Variants in GATAD2A observed in about 807,000 individuals in gnomAD.
GATAD2A encodes transcriptional repressor p66-alpha.
GATAD2A carries 12 observed loss-of-function variants against 68.5 expected under a neutral mutation model. That is an observed-to-expected ratio of 0.18 (90% confidence interval 0.11 to 0.28). GATAD2A has a LOEUF of 0.28. Among genes scored for constraint, GATAD2A ranks in the 10% least tolerant of loss-of-function variants. The pLI is 1.00. For synonymous variants in GATAD2A, 410 were observed against 375.3 expected (o/e 1.09, Z -1.07); for missense variants, 755 against 868.5 (o/e 0.87, Z 1.64).
chr19:19,436,079 C>A, intron 1 of GATAD2A: 1 of 980,122 alleles, frequency 1.0e-6, no homozygotes, highest in Non-Finnish European at 1.5e-6. Context: ...CCAGTATGTT[C>A]CAGAAACCTT....
chr19:19,446,876 G>C (rs541234862), intron 1 of GATAD2A, among the ~76,000 whole-genome samples: 2 of 152,282 alleles, frequency 1.3e-5, no homozygotes, highest in Admixed American at 6.5e-5. Flanking sequence ...GTTTTGTTTG[G>C]TTTTGATCAT....
intron 3 of GATAD2A, 51 bp downstream of exon 3, chr19:19,492,489 T>G: frequency 6.2e-7 from 1 of 1,612,646 alleles, no homozygotes; most frequent in South Asian, 1.1e-5. Flanking sequence ...CCCTTCCTAC[T>G]CATGACACCC....
intron 11 of GATAD2A, among the ~76,000 whole-genome samples, chr19:19,503,993 G>T (rs919946371): frequency 6.6e-6 from 1 of 152,208 alleles, no homozygotes; most frequent in Non-Finnish European, 1.5e-5. Flanking sequence ...GATTGCTTGA[G>T]CCTAGGAGTT....
chr19:19,476,387 T>C (rs553455669), intron 2 of GATAD2A, among the ~76,000 whole-genome samples: 1 of 152,372 alleles, frequency 6.6e-6, no homozygotes, highest in South Asian at 2.1e-4. Context: ...TGTCACTCAC[T>C]GACAGGCTTC....
At chr19:19,413,212 A>G (rs1442537905) in intron 1 of GATAD2A, among the ~76,000 whole-genome samples, 2 of 152,152 alleles carry the variant, frequency 1.3e-5, no homozygotes, top group Non-Finnish European at 2.9e-5. Context: ...GCACAGGCTC[A>G]CTCTGCCAGC....
intron 1 of GATAD2A, among the ~76,000 whole-genome samples, chr19:19,390,632 G>A (rs2146831135): frequency 6.6e-6 from 1 of 152,278 alleles, no homozygotes; most frequent in Middle Eastern, 3.4e-3. Flanking sequence ...GGCAAGTAGG[G>A]AGATGTATTA....
chr19:19,451,843 CT>C (rs574181137), intron 1 of GATAD2A, among the ~76,000 whole-genome samples: 1 of 152,168 alleles, frequency 6.6e-6, no homozygotes, highest in Non-Finnish European at 1.5e-5. Flanking sequence ...AGAAGAAAGA[CT>C]TTTTTTCTTC....
chr19:19,503,644 C>CTGTG (rs58706182), intron 11 of GATAD2A, among the ~76,000 whole-genome samples: 20,086 of 148,594 alleles, frequency 0.14, 1,410 homozygotes, highest in African/African-American at 0.18. Context: ...CATCTGGAAG[C>CTGTG]TGTGTGTGTG....
intron 1 of GATAD2A, among the ~76,000 whole-genome samples, chr19:19,409,114 A>C (rs1057319260): frequency 2.7e-5 from 4 of 150,794 alleles, no homozygotes; most frequent in African/African-American, 9.8e-5. Flanking sequence ...ACAAAAATGT[A>C]ATGGCCCTTA....
At chr19:19,488,811 A>C (rs2059606017) in intron 2 of GATAD2A, among the ~76,000 whole-genome samples, 1 of 152,192 alleles carries the variant, frequency 6.6e-6, no homozygotes, top group African/African-American at 2.4e-5. Flanking sequence ...TACGTTTTAC[A>C]TTAAGGCTTC....
intron 2 of GATAD2A, among the ~76,000 whole-genome samples, chr19:19,479,831 CTTTTTTTT>C (rs35537344): frequency 2.3e-5 from 2 of 85,578 alleles, no homozygotes; most frequent in South Asian, 4.4e-4. Context: ...GTGGCCCACT[CTTTTTTTT>C]TTTTTTTTTT....
chr19:19,489,037 A>G (rs755180613), intron 2 of GATAD2A, among the ~76,000 whole-genome samples: 10 of 152,236 alleles, frequency 6.6e-5, no homozygotes, highest in Non-Finnish European at 1.3e-4. Context: ...TAATGCCTGC[A>G]ATCATTTTGA....
At chr19:19,419,123 G>A (rs976165794) in intron 1 of GATAD2A, among the ~76,000 whole-genome samples, 1 of 152,128 alleles carries the variant, frequency 6.6e-6, no homozygotes, top group African/African-American at 2.4e-5. Flanking sequence ...TCTGCTCATT[G>A]CCTCACATGT....
chr19:19,429,234 G>A (rs1040433458), intron 1 of GATAD2A: 15 of 985,046 alleles, frequency 1.5e-5, no homozygotes, highest in South Asian at 4.7e-5. Context: ...TTCCAGCATC[G>A]TGGTCCATGG....
At chr19:19,441,383 C>CT (rs1198794951) in intron 1 of GATAD2A, among the ~76,000 whole-genome samples, 1 of 151,826 alleles carries the variant, frequency 6.6e-6, no homozygotes, top group East Asian at 1.9e-4. Flanking sequence ...AAAGCACTAG[C>CT]TTTTTTATTT....
intron 1 of GATAD2A, among the ~76,000 whole-genome samples, chr19:19,462,563 G>A (rs754324582): frequency 1.1e-4 from 17 of 152,238 alleles, no homozygotes; most frequent in Non-Finnish European, 2.1e-4. Context: ...CAGGCCTTAG[G>A]CTTCATAGTG....
At chr19:19,426,931 G>A (rs2053163771) in intron 1 of GATAD2A, among the ~76,000 whole-genome samples, 1 of 152,188 alleles carries the variant, frequency 6.6e-6, no homozygotes, top group Admixed American at 6.5e-5. Context: ...TGCTTTGTTT[G>A]GCACCATGGG....
Position 19,492,645 on chromosome 19 carries a change from A to C in GATAD2A, c.467A>C (p.Glu156Ala). 6.2e-7 allele frequency: 1 copy of C among 1,614,170 alleles called. No homozygotes were observed. The highest frequency in any genetic ancestry group is 8.5e-7 in the Non-Finnish European group (1 of 1,179,988). ...CTGAAGGAAGAATTGAGGTTAGAAG[A>C]AGCAAAACTCGTGTTGTTGAAAAAG... is the stretch of plus-strand genomic sequence containing the variant. ...KQLKEELRLE[E>A]AKLVLLKKLR... Residue 156 changes from glutamate (E) to alanine (A), a missense_variant, in exon 4 of 12, where the codon GAA becomes GCA. Transcript: ENST00000683918.
chr19:19,436,680 C>T (rs191313275), intron 1 of GATAD2A, among the ~76,000 whole-genome samples: 8 of 152,352 alleles, frequency 5.3e-5, no homozygotes, highest in Admixed American at 2.0e-4. Flanking sequence ...GCCCCCGCTG[C>T]GTGGAGCTCT....
Sources: allele counts gnomAD v4.1 joint callset (sites outside exome capture counted in the v4.1 genomes callset), GRCh38; gene constraint gnomAD v4.1.1; transcripts MANE v1.5; gene names NCBI Gene and HGNC (gene_info 2026-07-23, HGNC 2026-07-21).